LSMEM2: variants seen among roughly 807,000 people sequenced by gnomAD.
LSMEM2 encodes the protein leucine rich single-pass membrane protein 2.
LSMEM2 carries 20 observed loss-of-function variants against 17.3 expected under a neutral mutation model. The observed-to-expected ratio is 1.16, with a 90% confidence interval of 0.81 to 1.68. The LOEUF is 1.68. LSMEM2 is among the 40% of genes most tolerant of loss of function. The pLI, the probability that LSMEM2 is intolerant of heterozygous loss-of-function variation, is 0.00. For missense variants in LSMEM2, 207 were observed against 214.3 expected (o/e 0.97, Z 0.21); for synonymous variants, 94 against 97.8 (o/e 0.96, Z 0.23).
chr3:50,285,639 C>CA (rs1437627468), intron 1 of LSMEM2, among the ~76,000 whole-genome samples: 4 of 152,058 alleles, frequency 2.6e-5, no homozygotes, highest in Middle Eastern at 3.4e-3. Flanking sequence ...GACTCCATCT[C>CA]AAAAAACAAA....
At chr3:50,282,688 C>A (rs1459343438) in intron 1 of LSMEM2, among the ~76,000 whole-genome samples, 1 of 151,154 alleles carries the variant, frequency 6.6e-6, no homozygotes, top group African/African-American at 2.4e-5. Context: ...AGTTCAAGAC[C>A]AGCGTGGCCA....
chr3:50,286,989 GCTGCCC>G (rs1701562591), intron 3 of LSMEM2, 74 bp from the exon 4 acceptor site: 2 of 1,594,928 alleles, frequency 1.3e-6, no homozygotes, highest in African/African-American at 1.3e-5. Context: ...GAGGCCCGTG[GCTGCCC>G]CTGGTCCTGG....
At chr3:50,281,402 G>A (rs1448377099) in intron 1 of LSMEM2, among the ~76,000 whole-genome samples, 5 of 131,350 alleles carry the variant, frequency 3.8e-5, no homozygotes, top group Admixed American at 1.7e-4. Flanking sequence ...TTGCTCTGTC[G>A]CCCCGGGTGG....
chr3:50,283,224 G>A (rs954213656), intron 1 of LSMEM2, among the ~76,000 whole-genome samples: 3 of 152,024 alleles, frequency 2.0e-5, no homozygotes, highest in Non-Finnish European at 4.4e-5. Context: ...GGGTGCGATG[G>A]CTCACGCCTA....
Position 50,286,831 on chromosome 3 carries a change from A to C in LSMEM2, c.330A>C (p.Leu110=). 6.2e-7 allele frequency: 1 copy of C among 1,613,910 alleles called. No individual in the cohort carries two copies. The change falls in exon 3 of 4, where the codon CTA becomes CTC. Residue 110 remains leucine (L), a synonymous_variant. Coordinates refer to ENST00000316436, the MANE Select transcript of LSMEM2 (RefSeq NM_153215.3). ...TCGCGCTGCTGGTGCTCACTTGCCT[A>C]GTGCTCGCACTCCTGGCTGTCTACC... ...LLLALLVLTC[L]VLALLAVYLS... is the part of the protein sequence containing the mutation.
chr3:50,284,688 A>G (rs1553708170), intron 1 of LSMEM2, among the ~76,000 whole-genome samples: 5 of 151,576 alleles, frequency 3.3e-5, no homozygotes, highest in Non-Finnish European at 7.4e-5. Context: ...AACTGTGATC[A>G]CTCCACTGAA....
rs1416869138 is a variant in LSMEM2, at chr3:50,279,126, GC to G, written c.18del (p.Asp7ThrfsTer19). On this transcript the variant is annotated frameshift_variant, in exon 1 of 4. Transcript: ENST00000316436. LOFTEE classifies it high-confidence loss of function. MPSL[A>X]PDCPLLAMPE... ...GTCCTGCTACTGGATGCCATCATTGGCCCCCGACTGCCCACTGCTTGCCATG... is the reference window on the plus strand; with the variant it reads ...GTCCTGCTACTGGATGCCATCATTGGCCCCGACTGCCCACTGCTTGCCATG... 1 of 1,614,024 alleles carries G rather than the reference GC, an allele frequency of 6.2e-7. No individual in the cohort carries two copies. The highest frequency in any genetic ancestry group is 1.3e-5 in the African/African-American group (1 of 74,906).
chr3:50,286,703 G>C lies in LSMEM2; in HGVS notation c.202G>C (p.Glu68Gln), dbSNP rs782578697. 1.2e-6 allele frequency: 2 copies of C among 1,614,162 alleles called. No individual in the cohort carries two copies. The highest frequency in any genetic ancestry group is 2.2e-5 in the South Asian group (2 of 91,074). Residue 68 changes from glutamate to glutamine, a missense_variant, in exon 3 of 4, where the codon GAG becomes CAG. Glu to Gln is a conservative substitution (Grantham distance 29, BLOSUM62 2). Coordinates refer to ENST00000316436, the MANE Select transcript of LSMEM2 (RefSeq NM_153215.3). ...AGTLRPYLTE[E>Q]ARPWDELLGV... ...CACACTGCGCCCCTATCTAACTGAA[G>C]AGGCACGACCGTGGGATGAGCTGCT...
rs1701580092 is a variant in LSMEM2 at position 50,287,601 on chromosome 3, G to C, written c.*399G>C. The C allele has an allele frequency of 1.5e-5, 4 of 261,258 alleles. No individual in the cohort carries two copies. The East Asian group carries it at 3.7e-4, about 24-fold the overall frequency. The allele number at this position is 261,258 out of a possible 1,614,324, so 16.2% of individuals were successfully genotyped here. ...AGCCTCAGCTCTTAAAGACAGGCTG[G>C]GCTCTGAGTAGGGGGAGAGGCACCA... On this transcript the variant is annotated 3_prime_UTR_variant, in exon 4 of 4. Coordinates refer to ENST00000316436, the MANE Select transcript of LSMEM2 (RefSeq NM_153215.3).
Position 50,286,789 on chromosome 3 carries a change from AGGGTTCCTGCT to A in LSMEM2, c.290_300del (p.Gly97AlafsTer25). ...GCTGCAGCCCTGTGTACAGACGAGG[AGGGTTCCTGCT>A]GCTGCTCGCGCTGCTGGTGCTCACT... On this transcript the variant is annotated frameshift_variant, in exon 3 of 4. Transcript: ENST00000316436. LOFTEE classifies it high-confidence loss of function. The A allele has an allele frequency of 6.2e-7, 1 of 1,614,142 alleles. No individual in the cohort carries two copies.
chr3:50,286,526 C>G lies in LSMEM2; in HGVS notation c.114C>G (p.Asn38Lys). The G allele has an allele frequency of 6.2e-7, 1 of 1,612,098 alleles. No homozygotes were observed. Among genetic ancestry groups the G allele is most frequent in the East Asian group, 2.2e-5 (1 of 44,858 alleles). ...GGAGCAGGGGGCCATTGGCCCCCAA[C>G]CACGTGCATGAGGTATGCCTGCACC... The part of the protein sequence containing the change: ...SQRSRGPLAP[N>K]HVHEVCLHQV... Residue 38 changes from asparagine to lysine, a missense_variant, in exon 2 of 4, where the codon AAC becomes AAG. Asn to Lys is a moderately conservative substitution (Grantham distance 94, BLOSUM62 0). Coordinates refer to ENST00000316436, the MANE Select transcript of LSMEM2 (RefSeq NM_153215.3).
chr3:50,278,937 A>C, upstream of LSMEM2: 1 of 635,646 alleles, frequency 1.6e-6, no homozygotes, highest in Non-Finnish European at 2.8e-6. Flanking sequence ...CCAGGTAGAT[A>C]GTTCAGGCTG....
intron 1 of LSMEM2, among the ~76,000 whole-genome samples, chr3:50,281,670 ATTTTTTTTTT>A (rs144025924): frequency 5.2e-5 from 5 of 95,470 alleles, no homozygotes; most frequent in Admixed American, 2.4e-4. Flanking sequence ...GCAGCAGGGA[ATTTTTTTTTT>A]TTTTTTTTTT....
rs11434969 is a variant in LSMEM2, at chr3:50,281,055, G to GA, written c.58+1887dup. 0.053 allele frequency among the ~76,000 whole-genome samples: 7,992 copies of GA among 150,544 alleles called. 1,494 individuals are homozygous for GA. The East Asian group carries it at 0.6, about 11-fold the overall frequency. On this transcript the variant is annotated intron_variant, in intron 1 of 3. Transcript: ENST00000316436. ...AAAAGCACAACAAAGTACAAAGAGG[G>GA]AAATTTTTTTTTTTTTTTGAGACAG...
At chr3:50,284,214 A>C (rs1328111218) in intron 1 of LSMEM2, among the ~76,000 whole-genome samples, 1 of 151,460 alleles carries the variant, frequency 6.6e-6, no homozygotes, top group Non-Finnish European at 1.5e-5. Flanking sequence ...AAAAAAAAAA[A>C]AAAAAAAAAA....
At chr3:50,279,212 C>T (rs376258428) in intron 1 of LSMEM2, 41 bp downstream of exon 1, 15 of 1,590,812 alleles carry the variant, frequency 9.4e-6, no homozygotes, top group Non-Finnish European at 1.2e-5. Context: ...GGCCTCAGTC[C>T]TGTGACCTTG....
upstream of LSMEM2, among the ~76,000 whole-genome samples, chr3:50,278,671 T>C (rs1291805688): frequency 6.6e-6 from 1 of 152,130 alleles, no homozygotes; most frequent in Middle Eastern, 3.2e-3. Flanking sequence ...ACAATAGCAT[T>C]GTGTGCTAGC....
intron 1 of LSMEM2, among the ~76,000 whole-genome samples, chr3:50,283,873 A>T (rs1701457090): frequency 6.6e-6 from 1 of 152,216 alleles, no homozygotes. Context: ...ACACAGACCC[A>T]AGTGACTAAA....
upstream of LSMEM2, among the ~76,000 whole-genome samples, chr3:50,278,470 CA>C (rs1345804349): frequency 2.0e-5 from 3 of 152,166 alleles, no homozygotes; most frequent in African/African-American, 7.2e-5. Context: ...TACACATGAG[CA>C]AACTGAGTTC....
Sources: gnomAD v4.1 joint callset for allele counts (sites outside exome capture counted in the v4.1 genomes callset) on GRCh38, gnomAD v4.1.1 for gene constraint, MANE v1.5 for transcripts, NCBI Gene and HGNC (gene_info 2026-07-23, HGNC 2026-07-21) for gene names.